PSEN1: variants seen among roughly 807,000 people sequenced by gnomAD.
PSEN1 encodes the protein presenilin-1.
In PSEN1, 15 loss-of-function variants were observed where a neutral mutation model predicts 53.5. The ratio of observed to expected loss-of-function variants is 0.28; its 90% CI spans 0.19 to 0.43. PSEN1 has a LOEUF of 0.43. Ranked by LOEUF, PSEN1 falls within the 20% of genes least tolerant of loss-of-function variation. PSEN1 has a pLI of 1.00. For missense variants in PSEN1, 387 were observed against 571.2 expected (o/e 0.68, Z 3.29); for synonymous variants, 208 against 209.8 (o/e 0.99, Z 0.08).
chr14:73,140,209 T>TC (rs1429485023), intron 1 of PSEN1, among the ~76,000 whole-genome samples: 1 of 133,464 alleles, frequency 7.5e-6, no homozygotes, highest in East Asian at 2.1e-4. Context: ...ATTCTTTTTT[T>TC]TTTTTTTTTT....
At chr14:73,216,184 C>T (rs546175191) in intron 10 of PSEN1, among the ~76,000 whole-genome samples, 40 of 152,086 alleles carry the variant, frequency 2.6e-4, no homozygotes, top group African/African-American at 9.4e-4. Flanking sequence ...GTAAAATAGG[C>T]GAGGCATGTA....
At chr14:73,146,860 AC>A (rs1462927524) in intron 1 of PSEN1, among the ~76,000 whole-genome samples, 2 of 152,076 alleles carry the variant, frequency 1.3e-5, no homozygotes, top group Non-Finnish European at 2.9e-5. Context: ...ATTTCTGAAA[AC>A]CTTCTGTGAA....
Position 73,148,093 on chromosome 14 carries a change from C to G in PSEN1, c.74C>G (p.Thr25Ser), listed in dbSNP as rs201945418. The change falls in exon 3 of 12, where the codon ACT becomes AGT. Residue 25 changes from threonine (T) to serine (S), a missense_variant. Transcript: ENST00000324501. The stretch of plus-strand genomic sequence containing the variant: ...TCTGAGGACAACCACCTGAGCAATA[C>G]TGTACGTAGCCAGGTACAGTGTCAG... Reference protein sequence around the residue: ...QMSEDNHLSNTVRSQNDNRER... With the variant: ...QMSEDNHLSNSVRSQNDNRER... The G allele has an allele frequency of 4.3e-6, 7 of 1,612,972 alleles. No homozygotes were observed. Among genetic ancestry groups the G allele is most frequent in the Admixed American group, 3.3e-5 (2 of 59,990 alleles).
chr14:73,161,816 C>T (rs971020016), intron 3 of PSEN1, among the ~76,000 whole-genome samples: 4 of 151,990 alleles, frequency 2.6e-5, no homozygotes, highest in African/African-American at 7.2e-5. Flanking sequence ...ACATTATTAG[C>T]GGAAACTTGT....
At chr14:73,197,008 C>T (rs1471532425) in intron 7 of PSEN1, among the ~76,000 whole-genome samples, 1 of 150,094 alleles carries the variant, frequency 6.7e-6, no homozygotes, top group Admixed American at 6.7e-5. Flanking sequence ...TCTCGGCGCA[C>T]TGCAAGCTCC....
chr14:73,194,514 G>C (rs944384340), intron 7 of PSEN1, among the ~76,000 whole-genome samples: 6 of 150,074 alleles, frequency 4.0e-5, no homozygotes, highest in Non-Finnish European at 3.0e-5. Context: ...TCCCACCTTG[G>C]CCTGCCAAAG....
At chr14:73,206,767 T>A (rs1236579739) in intron 9 of PSEN1, among the ~76,000 whole-genome samples, 2 of 152,150 alleles carry the variant, frequency 1.3e-5, no homozygotes, top group African/African-American at 4.8e-5. Flanking sequence ...GTTTGTTTTT[T>A]ATAAGTCATG....
chr14:73,184,206 AC>A (rs1236393954), intron 5 of PSEN1, among the ~76,000 whole-genome samples: 691 of 45,102 alleles, frequency 0.015, 11 homozygotes, highest in Middle Eastern at 0.036. Flanking sequence ...CGGGGGGCTG[AC>A]CCCCCCACCT....
chr14:73,192,517 T>C (rs879536380), intron 6 of PSEN1, 127 bp from the exon 7 acceptor site: 12 of 723,552 alleles, frequency 1.7e-5, no homozygotes, highest in South Asian at 3.0e-5. Context: ...ACAGTTGATA[T>C]AGGTTATGGT....
chr14:73,171,149 TAGCTG>T, intron 4 of PSEN1, 102 bp downstream of exon 4: 1 of 1,402,238 alleles, frequency 7.1e-7, no homozygotes, highest in Admixed American at 1.9e-5. Context: ...GGGCATGACT[TAGCTG>T]GAGAGCCCAT....
chr14:73,151,895 T>TATATATATATA (rs1491464395), intron 3 of PSEN1, among the ~76,000 whole-genome samples: 1 of 10,960 alleles, frequency 9.1e-5, no homozygotes, highest in African/African-American at 6.8e-4. Flanking sequence ...TATATATATA[T>TATATATATATA]TTTTTTTTTT....
intron 10 of PSEN1, among the ~76,000 whole-genome samples, chr14:73,213,005 A>G (rs1899764792): frequency 6.6e-6 from 1 of 152,224 alleles, no homozygotes; most frequent in Non-Finnish European, 1.5e-5. Context: ...CATATCCATC[A>G]GTTTGAGGAG....
At chr14:73,195,422 C>A (rs1478481513) in intron 7 of PSEN1, among the ~76,000 whole-genome samples, 4 of 152,240 alleles carry the variant, frequency 2.6e-5, no homozygotes, top group African/African-American at 9.6e-5. Flanking sequence ...ATCTGCCTGC[C>A]TCAGCCTCCC....
intron 5 of PSEN1, among the ~76,000 whole-genome samples, chr14:73,175,157 G>C (rs1175235123): frequency 6.6e-6 from 1 of 151,914 alleles, no homozygotes; most frequent in Non-Finnish European, 1.5e-5. Context: ...ACGAAGTCTC[G>C]CTCTTGTCCC....
At chr14:73,166,425 C>T (rs1210490732) in intron 3 of PSEN1, among the ~76,000 whole-genome samples, 2 of 152,176 alleles carry the variant, frequency 1.3e-5, no homozygotes, top group Non-Finnish European at 2.9e-5. Context: ...CTTTTGTGTT[C>T]ATTTACCAAA....
chr14:73,151,449 C>T (rs902250622), intron 3 of PSEN1, among the ~76,000 whole-genome samples: 3 of 152,222 alleles, frequency 2.0e-5, no homozygotes, highest in East Asian at 1.9e-4. Context: ...TGGTGGTTCA[C>T]GGCTGTATTA....
At chr14:73,144,289 C>T (rs1479137931) in intron 1 of PSEN1, among the ~76,000 whole-genome samples, 2 of 152,014 alleles carry the variant, frequency 1.3e-5, no homozygotes, top group South Asian at 4.1e-4. Context: ...ATCTGCCCAC[C>T]TTGGCCTCCC....
chr14:73,192,245 C>A (rs1236342962), intron 6 of PSEN1, among the ~76,000 whole-genome samples: 1 of 151,980 alleles, frequency 6.6e-6, no homozygotes, highest in African/African-American at 2.4e-5. Context: ...TTAGACCAAC[C>A]TGGGCAACAT....
intron 3 of PSEN1, among the ~76,000 whole-genome samples, chr14:73,150,044 G>GT (rs1311768561): frequency 3.9e-5 from 6 of 152,054 alleles, no homozygotes; most frequent in Non-Finnish European, 8.8e-5. Flanking sequence ...AGTTGTGTTT[G>GT]TTTTTTTAGC....
Sources: allele counts gnomAD v4.1 joint callset (sites outside exome capture counted in the v4.1 genomes callset), GRCh38; gene constraint gnomAD v4.1.1; transcripts MANE v1.5; gene names NCBI Gene and HGNC (gene_info 2026-07-23, HGNC 2026-07-21).